Variants in UGGT1 observed in about 807,000 individuals in gnomAD.
UGGT1 encodes UDP-glucose glycoprotein glucosyltransferase 1.
Under a neutral mutation model 203.9 loss-of-function variants are expected in UGGT1, and 107 were observed. That is an observed-to-expected ratio of 0.52 (90% confidence interval 0.45 to 0.62). UGGT1 has a LOEUF of 0.62. UGGT1 is among the 20% of genes least tolerant of loss of function. The pLI, the probability that UGGT1 is intolerant of heterozygous loss-of-function variation, is 0.00. For missense variants in UGGT1, 1,673 were observed against 1,867.2 expected (o/e 0.90, Z 1.92); for synonymous variants, 628 against 653.5 (o/e 0.96, Z 0.59).
chr2:128,164,713 C>G lies in UGGT1; in HGVS notation c.2826-17C>G, dbSNP rs1157653750. The stretch of plus-strand genomic sequence containing the variant: ...CAGTTAAAAAGATGTTAAGATTTCT[C>G]TAACCCCTTCTTTCAGGGCAAGCGA... On this transcript the variant is annotated splice_polypyrimidine_tract_variant and intron_variant, in intron 25 of 40. Transcript: ENST00000259253. 4.3e-6 allele frequency: 7 copies of G among 1,609,656 alleles called. No homozygotes were observed. Among genetic ancestry groups the G allele is most frequent in the South Asian group, 2.2e-5 (2 of 90,956 alleles).
rs550777068 is a variant in UGGT1, at chr2:128,133,196, A to G, written c.1433A>G (p.Gln478Arg). 6 of 1,614,122 alleles carry G rather than the reference A, an allele frequency of 3.7e-6. No individual in the cohort carries two copies. In the Admixed American group the frequency reaches 1.0e-4, roughly 27 times the overall value. Residue 478 changes from glutamine (Q) to arginine (R), a missense_variant, in exon 14 of 41, where the codon CAA becomes CGA. Around this residue, in one of 4 missense-constraint regions of UGGT1, gnomAD observed 1,073 missense variants for 1,078.7 expected, o/e 0.99. Coordinates refer to ENST00000259253, the MANE Select transcript of UGGT1 (RefSeq NM_020120.4). The stretch of plus-strand genomic sequence containing the variant: ...TATAATTCGTGGCCTTCTAGTTTAC[A>G]AGAGTTGCTTCGACCCACCTTTCCT... Reference protein sequence around the residue: ...SRYNSWPSSLQELLRPTFPGV... With the variant: ...SRYNSWPSSLRELLRPTFPGV...
At chr2:128,156,213 G>A (rs929505657) in intron 20 of UGGT1, among the ~76,000 whole-genome samples, 179 bp from the exon 21 acceptor site, 1 of 152,154 alleles carries the variant, frequency 6.6e-6, no homozygotes, top group East Asian at 1.9e-4. Flanking sequence ...TACTCCATTT[G>A]GTTCTTTAAA....
At chr2:128,131,296 G>A (rs1688866532) in intron 13 of UGGT1, among the ~76,000 whole-genome samples, 1 of 150,648 alleles carries the variant, frequency 6.6e-6, no homozygotes, top group Non-Finnish European at 1.5e-5. Context: ...GCTCACGCCA[G>A]TAATCCCAGC....
intron 38 of UGGT1, 144 bp downstream of exon 38, chr2:128,183,933 TGTGTGA>T: frequency 1.5e-5 from 8 of 551,426 alleles, no homozygotes; most frequent in Non-Finnish European, 2.0e-5. Flanking sequence ...TGTGTGTGTG[TGTGTGA>T]GAGAGAGAGA....
Position 128,182,195 on chromosome 2 carries a change from T to C in UGGT1, c.4149T>C (p.Thr1383=). The C allele has an allele frequency of 6.2e-7, 1 of 1,614,218 alleles. No homozygotes were observed. Among genetic ancestry groups the C allele is most frequent in the Admixed American group, 1.7e-5 (1 of 60,026 alleles). The part of the protein sequence containing the change: ...FNLDGAPYGY[T]PFCDSRREMD... The stretch of plus-strand genomic sequence containing the variant: ...TGGATGGTGCTCCTTATGGTTACAC[T>C]CCTTTCTGTGACAGCCGAAGAGAAA... The change falls in exon 37 of 41, where the codon ACT becomes ACC. Residue 1383 remains threonine, a synonymous_variant. Coordinates refer to ENST00000259253, the MANE Select transcript of UGGT1 (RefSeq NM_020120.4).
intron 33 of UGGT1, 61 bp downstream of exon 33, chr2:128,177,981 TC>T: frequency 7.1e-7 from 1 of 1,399,496 alleles, no homozygotes; most frequent in South Asian, 1.4e-5. Context: ...GCACCATCCA[TC>T]CCTCCTTTTT....
chr2:128,109,094 GTTGGC>G lies in UGGT1; in HGVS notation c.409-538_409-534del, dbSNP rs1225758501. Among the ~76,000 whole-genome samples, 15 of 152,206 alleles carry G rather than the reference GTTGGC, an allele frequency of 9.9e-5. No homozygotes were observed. In the East Asian group the frequency reaches 2.9e-3, roughly 30 times the overall value. ...TTTAGTAGAGACAGGATTTCGCCGT[GTTGGC>G]TAGGCTGGTCTCGATCTCCTGACCA... On this transcript the variant is annotated intron_variant, in intron 4 of 40. Transcript: ENST00000259253.
rs1254395402 is a variant in UGGT1, at chr2:128,170,387, C to T, written c.3021C>T (p.Leu1007=). 1 of 1,613,372 alleles carries T rather than the reference C, an allele frequency of 6.2e-7. No homozygotes were observed. The highest frequency in any genetic ancestry group is 8.5e-7 in the Non-Finnish European group (1 of 1,179,414). The change falls in exon 27 of 41, where the codon CTC becomes CTT. Residue 1007 remains leucine, a synonymous_variant. Coordinates refer to ENST00000259253, the MANE Select transcript of UGGT1 (RefSeq NM_020120.4). ...TREAQRLAPL[L]LVLAQLINMN... is the part of the protein sequence containing the mutation. ...AAGCACAGAGACTTGCTCCTTTGCT[C>T]TTGGTAGGAACGCTGTGCAGGAAGT...
intron 27 of UGGT1, 134 bp downstream of exon 27, chr2:128,170,524 A>G: frequency 1.5e-6 from 1 of 676,488 alleles, no homozygotes; most frequent in Non-Finnish European, 2.5e-6. Flanking sequence ...TCTAGGGCAG[A>G]GCAATCTTTA....
intron 20 of UGGT1, 29 bp from the exon 21 acceptor site, chr2:128,156,363 T>G: frequency 1.3e-6 from 2 of 1,560,436 alleles, no homozygotes; most frequent in Non-Finnish European, 1.8e-6. Context: ...ATACTTTTTT[T>G]CTACTCTTTT....
chr2:128,177,750 G>A (rs1260660793), intron 32 of UGGT1, 82 bp from the exon 33 acceptor site: 2 of 1,105,388 alleles, frequency 1.8e-6, no homozygotes, highest in African/African-American at 3.2e-5. Context: ...ATTGATGACA[G>A]GCTCACAGTG....
chr2:128,172,525 C>T (rs1691157448), intron 28 of UGGT1, 48 bp from the exon 29 acceptor site: 7 of 1,593,930 alleles, frequency 4.4e-6, no homozygotes, highest in Non-Finnish European at 6.0e-6. Flanking sequence ...GCACTCAAGT[C>T]CTGTTGTCAC....
intron 14 of UGGT1, among the ~76,000 whole-genome samples, chr2:128,134,123 G>A (rs1243895677): frequency 6.6e-6 from 1 of 152,144 alleles, no homozygotes; most frequent in Non-Finnish European, 1.5e-5. Context: ...TGCAACCTCT[G>A]CCCCCTGGGG....
At chr2:128,171,694 G>A (rs1691113089) in intron 28 of UGGT1, among the ~76,000 whole-genome samples, 1 of 152,050 alleles carries the variant, frequency 6.6e-6, no homozygotes, top group Admixed American at 6.5e-5. Flanking sequence ...TTTTAGTAGA[G>A]ACGGGGTTTC....
intron 13 of UGGT1, among the ~76,000 whole-genome samples, chr2:128,129,546 C>T (rs953588506): frequency 1.3e-5 from 2 of 151,914 alleles, no homozygotes; most frequent in Non-Finnish European, 2.9e-5. Flanking sequence ...TTACAGGAGC[C>T]TGCCACCACG....
intron 25 of UGGT1, 99 bp downstream of exon 25, chr2:128,161,367 A>C: frequency 1.4e-6 from 2 of 1,399,364 alleles, no homozygotes; most frequent in South Asian, 2.8e-5. Context: ...ACATATCCCA[A>C]GGAGTTTTAT....
chr2:128,183,884 A>G, intron 38 of UGGT1, 95 bp downstream of exon 38: 2 of 841,446 alleles, frequency 2.4e-6, no homozygotes, highest in Non-Finnish European at 3.8e-6. Flanking sequence ...TCCTCTCCTC[A>G]CAGGATGGCG....
intron 25 of UGGT1, 127 bp downstream of exon 25, chr2:128,161,395 A>T: frequency 9.0e-7 from 1 of 1,110,746 alleles, no homozygotes; most frequent in Non-Finnish European, 1.2e-6. Context: ...TTAAAATCTA[A>T]TAATACTCTT....
chr2:128,174,039 T>C, intron 30 of UGGT1, 100 bp downstream of exon 30: 5 of 1,357,264 alleles, frequency 3.7e-6, no homozygotes, highest in Non-Finnish European at 5.1e-6. Context: ...TAGAGTGAGA[T>C]TAAAATTCAT....
Sources: gnomAD v4.1 joint callset for allele counts (sites outside exome capture counted in the v4.1 genomes callset) on GRCh38, gnomAD v4.1.1 for gene constraint, gnomAD v4.1.1 regional missense constraint, MANE v1.5 for transcripts, NCBI Gene and HGNC (gene_info 2026-07-23, HGNC 2026-07-21) for gene names.